The following ADAMTSL1 variants were observed in gnomAD, a reference collection of about 807,000 sequenced individuals.
ADAMTSL1 encodes the protein ADAMTS-like protein 1.
ADAMTSL1 carries 126 observed loss-of-function variants against 201.8 expected under a neutral mutation model. That is an observed-to-expected ratio of 0.62 (90% CI 0.54 to 0.72). The LOEUF (loss-of-function observed/expected upper bound fraction) is 0.72, where lower values mean the gene tolerates loss of function less well. Ranked by LOEUF, ADAMTSL1 falls within the 30% of genes least tolerant of loss-of-function variation. The pLI is 0.00. For missense variants in ADAMTSL1, 2,679 were observed against 2,277.8 expected (o/e 1.18, Z -3.59); for synonymous variants, 1,121 against 903.4 (o/e 1.24, Z -4.32).
At chr9:18,468,288 C>T (rs1240271527) in intron 2 of ADAMTSL1, among the ~76,000 whole-genome samples, 4 of 152,160 alleles carry the variant, frequency 2.6e-5, no homozygotes, top group African/African-American at 7.2e-5. Flanking sequence ...CCTCCCGGTT[C>T]AGTTCAATGC....
intron 2 of ADAMTSL1, among the ~76,000 whole-genome samples, chr9:18,508,786 T>A (rs1045811038): frequency 1.3e-5 from 2 of 152,172 alleles, no homozygotes; most frequent in Non-Finnish European, 2.9e-5. Flanking sequence ...TAAAATACAT[T>A]CTAACATTTT....
intron 1 of ADAMTSL1, among the ~76,000 whole-genome samples, chr9:17,951,954 T>C (rs966386367): frequency 4.6e-5 from 7 of 151,784 alleles, no homozygotes; most frequent in African/African-American, 1.7e-4. Context: ...GCATGCACCA[T>C]CTTGCCCGGC....
chr9:18,666,295 C>T (rs1829426219), intron 9 of ADAMTSL1, among the ~76,000 whole-genome samples: 1 of 152,044 alleles, frequency 6.6e-6, no homozygotes, highest in Non-Finnish European at 1.5e-5. Context: ...AAAATTTAAT[C>T]CTTATAAGGG....
intron 1 of ADAMTSL1, among the ~76,000 whole-genome samples, chr9:18,056,382 A>G (rs1412538912): frequency 1.3e-5 from 2 of 152,132 alleles, no homozygotes; most frequent in Non-Finnish European, 2.9e-5. Flanking sequence ...CGTGTTTCAA[A>G]TCCTGAGCCT....
chr9:18,744,159 T>C (rs1818999386), intron 15 of ADAMTSL1, among the ~76,000 whole-genome samples: 1 of 152,262 alleles, frequency 6.6e-6, no homozygotes. Flanking sequence ...TCAATGCAAG[T>C]AGTTATGAGC....
In ADAMTSL1 at chr9:18,166,545, G is replaced by C. The variant is rs371557086; in HGVS notation, c.207+2564G>C. Among the ~76,000 whole-genome samples, 5 of 152,004 alleles carry C rather than the reference G, an allele frequency of 3.3e-5. No homozygotes were observed. The South Asian group carries it at 8.3e-4, about 25-fold the overall frequency. ...GACGTCTCTTCAAGCCAGTATATAG[G>C]TTTATCATAAGTAATGTAAACTCAG... On this transcript the variant is annotated intron_variant, in intron 2 of 29. Transcript: ENST00000680146.
intron 4 of ADAMTSL1, among the ~76,000 whole-genome samples, chr9:18,597,256 G>A (rs757805241): frequency 2.0e-5 from 3 of 152,148 alleles, no homozygotes; most frequent in Non-Finnish European, 2.9e-5. Flanking sequence ...CCTTCAGGCT[G>A]TGAAACAGAG....
chr9:18,265,207 GC>G (rs1832075541), intron 2 of ADAMTSL1, among the ~76,000 whole-genome samples: 2 of 152,226 alleles, frequency 1.3e-5, no homozygotes, highest in East Asian at 3.9e-4. Context: ...CTTTAAATAT[GC>G]CAGGCCTGTT....
At chr9:18,423,792 T>A (rs1343431513) in intron 2 of ADAMTSL1, among the ~76,000 whole-genome samples, 1 of 152,218 alleles carries the variant, frequency 6.6e-6, no homozygotes, top group Non-Finnish European at 1.5e-5. Context: ...TTACTTGCAA[T>A]GTAGGGACAA....
intron 23 of ADAMTSL1, among the ~76,000 whole-genome samples, chr9:18,840,086 T>A (rs1489186651): frequency 6.8e-6 from 1 of 147,274 alleles, no homozygotes; most frequent in African/African-American, 2.5e-5. Context: ...TTGCTTTTGG[T>A]GTTTTAGACA....
At chr9:18,555,193 C>T (rs1285193468) in intron 3 of ADAMTSL1, among the ~76,000 whole-genome samples, 1 of 151,822 alleles carries the variant, frequency 6.6e-6, no homozygotes, top group Non-Finnish European at 1.5e-5. Context: ...TCTTCCACAA[C>T]TTGCCGTTCA....
chr9:18,670,133 T>A (rs772309673), intron 9 of ADAMTSL1, among the ~76,000 whole-genome samples: 67 of 152,214 alleles, frequency 4.4e-4, no homozygotes, highest in Non-Finnish European at 7.9e-4. Flanking sequence ...GAGACCCTTC[T>A]ACTACACACA....
At chr9:18,507,868 C>A (rs1228903757) in intron 2 of ADAMTSL1, among the ~76,000 whole-genome samples, 1 of 152,114 alleles carries the variant, frequency 6.6e-6, no homozygotes, top group African/African-American at 2.4e-5. Flanking sequence ...AGACCTTATC[C>A]TAAGTGTCAC....
intron 16 of ADAMTSL1, among the ~76,000 whole-genome samples, chr9:18,768,190 A>G (rs1037046115): frequency 1.3e-5 from 2 of 152,204 alleles, no homozygotes; most frequent in African/African-American, 4.8e-5. Flanking sequence ...GTGAAAGACT[A>G]AGACCAGGCT....
intron 2 of ADAMTSL1, among the ~76,000 whole-genome samples, chr9:18,194,206 T>C (rs1563799737): frequency 2.6e-5 from 4 of 151,990 alleles, no homozygotes; most frequent in Non-Finnish European, 5.9e-5. Context: ...CCTTTGACCG[T>C]GGGGGGAGAA....
At position 18,777,412 on chromosome 9, in the gene ADAMTSL1, G is replaced by T. The variant is rs1821109717; in HGVS notation, c.3183G>T (p.Glu1061Asp). 3.1e-6 allele frequency: 5 copies of T among 1,602,122 alleles called. No individual in the cohort carries two copies. In the African/African-American group the frequency reaches 6.7e-5, roughly 21 times the overall value. ...NTTSEEDPGA[E>D]QVLLHLPFTM... Reference sequence around the variant, plus strand: ...CCTCGGAGGAGGACCCGGGTGCAGAGCAAGTGCTCCTGCACCTGCCCTTCA... The same window carrying T: ...CCTCGGAGGAGGACCCGGGTGCAGATCAAGTGCTCCTGCACCTGCCCTTCA... Residue 1061 changes from glutamate (E) to aspartate (D), a missense_variant, in exon 19 of 29, where the codon GAG becomes GAT. Coordinates refer to ENST00000380548, the MANE Select transcript of ADAMTSL1 (RefSeq NM_001040272.6).
intron 9 of ADAMTSL1, among the ~76,000 whole-genome samples, chr9:18,663,502 G>T (rs1265299782): frequency 6.6e-6 from 1 of 152,046 alleles, no homozygotes; most frequent in Non-Finnish European, 1.5e-5. Flanking sequence ...CATGCAATTT[G>T]ATTTCATTTT....
intron 2 of ADAMTSL1, among the ~76,000 whole-genome samples, chr9:18,190,451 A>T (rs1828925898): frequency 6.6e-6 from 1 of 152,028 alleles, no homozygotes; most frequent in African/African-American, 2.4e-5. Context: ...TAAACAGAGG[A>T]CTCTTATTAT....
At chr9:18,563,801 G>A (rs1391016706) in intron 3 of ADAMTSL1, among the ~76,000 whole-genome samples, 1 of 152,196 alleles carries the variant, frequency 6.6e-6, no homozygotes, top group Non-Finnish European at 1.5e-5. Flanking sequence ...CGGGGGCTTT[G>A]TTTACACTGT....
Sources: gnomAD v4.1 joint callset for allele counts (sites outside exome capture counted in the v4.1 genomes callset) on GRCh38, gnomAD v4.1.1 for gene constraint, MANE v1.5 for transcripts, NCBI Gene and HGNC (gene_info 2026-07-23, HGNC 2026-07-21) for gene names.